CSMD1: variants seen among roughly 807,000 people sequenced by gnomAD.
CSMD1 encodes CUB and sushi domain-containing protein 1.
In CSMD1, 213 loss-of-function variants were observed where a neutral mutation model predicts 417.5. That is an observed-to-expected ratio of 0.51 (90% CI 0.46 to 0.57). CSMD1 has a LOEUF of 0.57. CSMD1 is among the 20% of genes least tolerant of loss of function. CSMD1 has a pLI of 0.00. For synonymous variants in CSMD1, 2,862 were observed against 1,736.8 expected (o/e 1.65, Z -16.11); for missense variants, 6,923 against 4,529.7 (o/e 1.53, Z -15.17).
chr8:3,233,399 G>C (rs907514520), intron 26 of CSMD1, among the ~76,000 whole-genome samples: 1 of 152,224 alleles, frequency 6.6e-6, no homozygotes, highest in Non-Finnish European at 1.5e-5. Context: ...AGGGCCAGAT[G>C]TGGTCCCTCG....
At chr8:3,594,242 C>T (rs547662861) in intron 8 of CSMD1, among the ~76,000 whole-genome samples, 1 of 152,078 alleles carries the variant, frequency 6.6e-6, no homozygotes, top group Non-Finnish European at 1.5e-5. Flanking sequence ...TATTAATGAG[C>T]TGCTAGTGTA....
In CSMD1 at chr8:4,964,361, G is replaced by T. The variant is rs1351023740; in HGVS notation, c.85+29971C>A. On this transcript the variant is annotated intron_variant, in intron 1 of 69. Coordinates refer to ENST00000635120, the MANE Select transcript of CSMD1 (RefSeq NM_033225.6). ...AATCCCATTTCTACAAAAAGTACAA[G>T]AAAAAAAATAAGCCGGGTCTAGTGG... 2.6e-5 allele frequency among the ~76,000 whole-genome samples: 4 copies of T among 151,032 alleles called. No homozygotes were observed. The East Asian group carries it at 7.8e-4, about 30-fold the overall frequency.
At position 4,565,504 on chromosome 8, in the gene CSMD1, A is replaced by T. The variant is rs150015184; in HGVS notation, c.302+71838T>A. ...TGTAATCCCAGCACTTAAGGAGGTC[A>T]AGGTGGGCGATCACAAGGTCAGGTG... On this transcript the variant is annotated intron_variant, in intron 2 of 69. Transcript: ENST00000635120. Among the ~76,000 whole-genome samples the T allele has an allele frequency of 2.8e-3, 424 of 152,088 alleles. 4 individuals carry two copies. Among genetic ancestry groups the T allele is most frequent in the African/African-American group, 9.9e-3 (412 of 41,490 alleles).
intron 5 of CSMD1, among the ~76,000 whole-genome samples, chr8:3,765,901 T>A (rs899432811): frequency 6.6e-6 from 1 of 152,144 alleles, no homozygotes; most frequent in African/African-American, 2.4e-5. Context: ...TGAGAGTCCA[T>A]CTCAAACATG....
In CSMD1 at chr8:3,997,935, T is replaced by C. The variant is rs1187305375; in HGVS notation, c.786A>G (p.Leu262=). The C allele has an allele frequency of 1.9e-6, 3 of 1,612,440 alleles. No homozygotes were observed. Among genetic ancestry groups the C allele is most frequent in the South Asian group, 1.1e-5 (1 of 90,522 alleles). ...DFQLEEGYDF[L]EISGTEAPSI... The stretch of plus-strand genomic sequence containing the variant: ...ATGGAGCTTCCGTGCCACTGATCTC[T>C]AAGAAATCATATCCTTCTTCTAGCT... Residue 262 remains leucine (L), a synonymous_variant, in exon 5 of 70, where the codon TTA becomes TTG. Transcript: ENST00000635120.
At chr8:3,347,135 G>T (rs1808058969) in intron 22 of CSMD1, among the ~76,000 whole-genome samples, 2 of 152,234 alleles carry the variant, frequency 1.3e-5, no homozygotes, top group South Asian at 4.1e-4. Context: ...TTTGTGTTGG[G>T]CCACAGTCAA....
intron 3 of CSMD1, among the ~76,000 whole-genome samples, chr8:4,376,779 AACTCTATTTTCT>A (rs1473622979): frequency 3.9e-5 from 6 of 152,190 alleles, no homozygotes; most frequent in African/African-American, 7.2e-5. Context: ...TTTGATAACC[AACTCTATTTTCT>A]GTTGTCCGAC....
intron 23 of CSMD1, among the ~76,000 whole-genome samples, chr8:3,309,317 G>C (rs73503711): frequency 0.018 from 2,640 of 147,070 alleles, 77 homozygotes; most frequent in African/African-American, 0.061. Flanking sequence ...TCAACTTCAT[G>C]GGAAAAGAAA....
intron 12 of CSMD1, among the ~76,000 whole-genome samples, chr8:3,416,718 A>G (rs1813174382): frequency 6.6e-6 from 1 of 152,170 alleles, no homozygotes; most frequent in Admixed American, 6.5e-5. Context: ...CATGTCAGGC[A>G]AGGCAGCACT....
intron 26 of CSMD1, among the ~76,000 whole-genome samples, chr8:3,283,377 C>T (rs9314477): frequency 0.72 from 109,580 of 151,820 alleles, 40,523 homozygotes; most frequent in Admixed American, 0.82. Context: ...TGTAGAGACC[C>T]ACACCTGTCT....
At chr8:3,093,189 C>G (rs962732128) in intron 47 of CSMD1, among the ~76,000 whole-genome samples, 1 of 152,052 alleles carries the variant, frequency 6.6e-6, no homozygotes, top group Non-Finnish European at 1.5e-5. Context: ...TAAGGTTAAA[C>G]GAGGTAGTAT....
intron 10 of CSMD1, among the ~76,000 whole-genome samples, chr8:3,546,908 T>G (rs1258177456): frequency 6.6e-6 from 1 of 152,220 alleles, no homozygotes; most frequent in African/African-American, 2.4e-5. Flanking sequence ...TTTCCACTGC[T>G]GCTTGAGTTT....
At chr8:3,988,600 G>C (rs1585087470) in intron 5 of CSMD1, among the ~76,000 whole-genome samples, 1 of 152,188 alleles carries the variant, frequency 6.6e-6, no homozygotes, top group Non-Finnish European at 1.5e-5. Flanking sequence ...TGAGTCCTGT[G>C]CACATGACAG....
chr8:4,544,521 G>A (rs931388113), intron 2 of CSMD1, among the ~76,000 whole-genome samples: 2 of 151,984 alleles, frequency 1.3e-5, no homozygotes, highest in South Asian at 2.1e-4. Flanking sequence ...GGGATCCACT[G>A]CTGACTTTTA....
rs374558085 is a variant in CSMD1, at chr8:3,921,214, A to G, written c.818+76689T>C. Among the ~76,000 whole-genome samples, 10 of 152,208 alleles carry G rather than the reference A, an allele frequency of 6.6e-5. No individual in the cohort carries two copies. The East Asian group carries it at 1.7e-3, about 26-fold the overall frequency. On this transcript the variant is annotated intron_variant, in intron 5 of 69. Transcript: ENST00000635120. ...GGTAGGTTATCCACATTTTGCGTATATAATTTTTACAGTATTGTATTTATA... is the reference window on the plus strand; with the variant it reads ...GGTAGGTTATCCACATTTTGCGTATGTAATTTTTACAGTATTGTATTTATA...
intron 6 of CSMD1, among the ~76,000 whole-genome samples, chr8:3,736,356 C>T (rs1215391163): frequency 1.3e-5 from 2 of 152,024 alleles, no homozygotes; most frequent in African/African-American, 2.4e-5. Context: ...ATTCTCCTAC[C>T]TCAGCCTTCC....
At chr8:4,395,336 G>C (rs1804127848) in intron 3 of CSMD1, among the ~76,000 whole-genome samples, 1 of 152,172 alleles carries the variant, frequency 6.6e-6, no homozygotes, top group African/African-American at 2.4e-5. Context: ...CTTAGTATCT[G>C]AGAGCATTGT....
chr8:4,943,215 G>C (rs1005717274), intron 1 of CSMD1, among the ~76,000 whole-genome samples: 2 of 152,110 alleles, frequency 1.3e-5, no homozygotes, highest in African/African-American at 4.8e-5. Flanking sequence ...GAAAATCATG[G>C]CCGGGTGCAG....
At chr8:4,181,973 T>TGTGTGTGTGA (rs1191115849) in intron 3 of CSMD1, among the ~76,000 whole-genome samples, 1 of 149,010 alleles carries the variant, frequency 6.7e-6, no homozygotes, top group Non-Finnish European at 1.5e-5. Context: ...TGTGTGTGTG[T>TGTGTGTGTGA]GATGTGTGTG....
Sources: gnomAD v4.1 joint callset for allele counts (sites outside exome capture counted in the v4.1 genomes callset) on GRCh38, gnomAD v4.1.1 for gene constraint, MANE v1.5 for transcripts, NCBI Gene and HGNC (gene_info 2026-07-23, HGNC 2026-07-21) for gene names.